Variants in PI4KA observed in about 807,000 individuals in gnomAD.
The protein encoded by PI4KA is PI4-kinase alpha.
PI4KA carries 122 observed loss-of-function variants against 271.4 expected under a neutral mutation model. The ratio of observed to expected loss-of-function variants is 0.45; its 90% CI spans 0.39 to 0.52. The LOEUF is 0.52. Among genes scored for constraint, PI4KA ranks in the 20% least tolerant of loss-of-function variants. PI4KA has a pLI of 0.00. For synonymous variants in PI4KA, 1,041 were observed against 1,078.8 expected (o/e 0.96, Z 0.69); for missense variants, 1,969 against 2,769.1 (o/e 0.71, Z 6.48).
chr22:20,770,756 T>C (rs1932838611), intron 19 of PI4KA, among the ~76,000 whole-genome samples: 1 of 152,098 alleles, frequency 6.6e-6, no homozygotes, highest in African/African-American at 2.4e-5. Context: ...TTTGAAAGTT[T>C]GAAGTTATTT....
rs374664888 is a variant in PI4KA, at chr22:20,711,324, C to T, written c.5923+17G>A. On this transcript the variant is annotated intron_variant, in intron 51 of 54. Coordinates refer to ENST00000255882, the MANE Select transcript of PI4KA (RefSeq NM_058004.4). The stretch of plus-strand genomic sequence containing the variant: ...CAGGGGTGAAGGGAGAGGAGGGTGG[C>T]GCTGTGGCTGGCTGACCGATGTGGA... 1.4e-4 allele frequency: 184 copies of T among 1,357,904 alleles called. 22 individuals carry two copies. The highest frequency in any genetic ancestry group is 9.3e-4 in the South Asian group (78 of 83,558). The allele number at this position is 1,357,904 out of a possible 1,614,324, so 84.1% of individuals were successfully genotyped here.
intron 12 of PI4KA, 64 bp from the exon 13 acceptor site, chr22:20,803,384 C>T (rs1483264085): frequency 6.2e-7 from 1 of 1,601,558 alleles, no homozygotes. Context: ...AGGCCCTGAG[C>T]AGGGAGGTGC....
chr22:20,718,972 T>C (rs1475834481), intron 43 of PI4KA, 150 bp from the exon 44 acceptor site: 5 of 830,760 alleles, frequency 6.0e-6, no homozygotes, highest in Non-Finnish European at 9.5e-6. Flanking sequence ...TGTGCCCCTT[T>C]TGCTGTGTTG....
At position 20,799,298 on chromosome 22, in the gene PI4KA, C is replaced by T. The variant is rs768782582; in HGVS notation, c.1821-22G>A. ...GTCCCTACAGAAGGAAGAACAGAAG[C>T]GCCCTAGCAACAGTCCCTCCAGCAT... On this transcript the variant is annotated intron_variant, in intron 15 of 54. Transcript: ENST00000255882. 16 of 1,507,658 alleles carry T rather than the reference C, an allele frequency of 1.1e-5. No homozygotes were observed. The Admixed American group carries it at 1.2e-4, about 11-fold the overall frequency. The allele number at this position is 1,507,658 out of a possible 1,614,324, so 93.4% of individuals were successfully genotyped here. A position where few individuals can be genotyped will look rare whatever the true frequency, so the allele number is the denominator to read the frequency against.
intron 19 of PI4KA, chr22:20,787,467 G>A (rs1343577268): frequency 1.8e-5 from 6 of 332,790 alleles, no homozygotes; most frequent in Admixed American, 4.4e-5. Context: ...AATGAGTGGT[G>A]TGACTAATTC....
At chr22:20,759,451 T>TG (rs1931728193) in intron 23 of PI4KA, among the ~76,000 whole-genome samples, 1 of 144,422 alleles carries the variant, frequency 6.9e-6, no homozygotes, top group Non-Finnish European at 1.5e-5. Flanking sequence ...TCACCCAGGA[T>TG]GGAGTGCTGA....
chr22:20,762,649 G>C (rs1025191540), intron 22 of PI4KA, among the ~76,000 whole-genome samples: 2 of 152,150 alleles, frequency 1.3e-5, no homozygotes, highest in African/African-American at 4.8e-5. Context: ...ACCTCTTCTA[G>C]CCGTACATGC....
At chr22:20,720,241 G>A (rs921691933) in intron 43 of PI4KA, among the ~76,000 whole-genome samples, 8 of 152,120 alleles carry the variant, frequency 5.3e-5, no homozygotes, top group Admixed American at 6.6e-5. Context: ...CACAGCATGA[G>A]AAGTTTACTG....
At chr22:20,711,006 TG>T (rs1925203826) in intron 51 of PI4KA, 148 bp from the exon 52 acceptor site, 2 of 727,056 alleles carry the variant, frequency 2.8e-6, no homozygotes, top group African/African-American at 1.8e-5. Context: ...GAGACAGTGA[TG>T]GGGTGGGTGG....
intron 32 of PI4KA, among the ~76,000 whole-genome samples, chr22:20,739,967 T>G (rs866043573): frequency 1.4e-5 from 2 of 141,200 alleles, no homozygotes; most frequent in South Asian, 4.3e-4. Flanking sequence ...GAGGCTGAGG[T>G]GGGAGAATCA....
chr22:20,773,869 C>T (rs1933035256), intron 19 of PI4KA: 1 of 152,296 alleles, frequency 6.6e-6, no homozygotes, highest in African/African-American at 2.4e-5. Context: ...GCTGCTCCTG[C>T]ACCAAGGCTA....
At chr22:20,743,500 G>C (rs1568978806) in intron 30 of PI4KA, among the ~76,000 whole-genome samples, 1 of 151,878 alleles carries the variant, frequency 6.6e-6, no homozygotes, top group Admixed American at 6.6e-5. Flanking sequence ...CTGTTGCCCA[G>C]GCTGGAGTGC....
At chr22:20,719,792 C>T (rs150856894) in intron 43 of PI4KA, among the ~76,000 whole-genome samples, 32 of 151,948 alleles carry the variant, frequency 2.1e-4, no homozygotes, top group African/African-American at 7.2e-4. Context: ...TTTGGGAGGC[C>T]GACGTGAGTG....
chr22:20,840,193 T>C (rs908212213), intron 1 of PI4KA, among the ~76,000 whole-genome samples: 7 of 152,322 alleles, frequency 4.6e-5, no homozygotes, highest in Admixed American at 1.3e-4. Context: ...TCTCCAACAA[T>C]AGTGCCTGAA....
At chr22:20,750,281 A>G (rs1159526629) in intron 27 of PI4KA, among the ~76,000 whole-genome samples, 2 of 152,226 alleles carry the variant, frequency 1.3e-5, no homozygotes, top group Non-Finnish European at 2.9e-5. Flanking sequence ...GGGTGTGCAC[A>G]GAGGGAAGAA....
rs577302839 is a variant in PI4KA at position 20,817,038 on chromosome 22, G to A, written c.856+1445C>T. On this transcript the variant is annotated intron_variant, in intron 7 of 54. Transcript: ENST00000255882. ...GGAATACATTCTATACTTAAACAAG[G>A]AGTTGTCTCTAAGAGGTGCGATTCT... Among the ~76,000 whole-genome samples the A allele has an allele frequency of 3.3e-5, 5 of 152,304 alleles. No homozygotes were observed. The East Asian group carries it at 9.6e-4, about 29-fold the overall frequency.
chr22:20,746,942 C>T (rs1025019086), intron 29 of PI4KA, among the ~76,000 whole-genome samples: 3 of 152,208 alleles, frequency 2.0e-5, no homozygotes, highest in Non-Finnish European at 2.9e-5. Context: ...TCTGCACCTC[C>T]ACATATCCCA....
At chr22:20,837,136 C>T (rs1411901570) in intron 2 of PI4KA, among the ~76,000 whole-genome samples, 3 of 152,162 alleles carry the variant, frequency 2.0e-5, no homozygotes, top group Non-Finnish European at 4.4e-5. Flanking sequence ...TGCCTGTAAT[C>T]CCAGCACTTT....
chr22:20,763,765 A>C (rs1388196539), intron 22 of PI4KA, among the ~76,000 whole-genome samples: 2 of 152,130 alleles, frequency 1.3e-5, no homozygotes, highest in Non-Finnish European at 2.9e-5. Flanking sequence ...TACAATGAAA[A>C]AAGAACAAAG....
Sources: gnomAD v4.1 joint callset for allele counts (sites outside exome capture counted in the v4.1 genomes callset) on GRCh38, gnomAD v4.1.1 for gene constraint, MANE v1.5 for transcripts, NCBI Gene and HGNC (gene_info 2026-07-23, HGNC 2026-07-21) for gene names.